PHEX: variants seen among roughly 807,000 people sequenced by gnomAD.
The protein encoded by PHEX is phosphate regulating endopeptidase X-linked.
In PHEX, 16 loss-of-function variants were observed where a neutral mutation model predicts 68.0. The observed-to-expected ratio is 0.24, with a 90% CI of 0.16 to 0.36. The LOEUF is 0.36. Ranked by LOEUF, PHEX falls within the 10% of genes least tolerant of loss-of-function variation. The pLI is 1.00. For synonymous variants in PHEX, 208 were observed against 205.1 expected (o/e 1.01, Z -0.12); for missense variants, 480 against 575.5 (o/e 0.83, Z 1.70).
intron 15 of PHEX, 34 bp from the exon 16 acceptor site, chrX:22,212,866 ATCTC>A: frequency 9.4e-7 from 1 of 1,059,932 alleles, no homozygotes; most frequent in Non-Finnish European, 1.3e-6. Context: ...CATTGAATCA[ATCTC>A]TCTATATCTC....
At chrX:22,145,164 A>G (rs1036265645) in intron 12 of PHEX, among the ~76,000 whole-genome samples, 2 of 111,846 alleles carry the variant, frequency 1.8e-5, no homozygotes, top group Non-Finnish European at 3.8e-5. Context: ...TGATCCTTTC[A>G]TTTGAACTTT....
At chrX:22,066,394 C>T (rs773591093) in intron 3 of PHEX, among the ~76,000 whole-genome samples, 3 of 112,227 alleles carry the variant, frequency 2.7e-5, no homozygotes, top group Non-Finnish European at 5.6e-5. Context: ...TCTATTTTCT[C>T]CTTAGGTCAA....
At chrX:22,231,756 G>A (rs1419819187) in intron 20 of PHEX, among the ~76,000 whole-genome samples, 1 of 111,176 alleles carries the variant, frequency 9.0e-6, no homozygotes, top group Non-Finnish European at 1.9e-5. Flanking sequence ...GGTTTTTTGT[G>A]TCTCTATCTC....
At chrX:22,161,765 C>A (rs965526183) in intron 12 of PHEX, among the ~76,000 whole-genome samples, 5 of 111,760 alleles carry the variant, frequency 4.5e-5, no homozygotes, top group Admixed American at 1.9e-4. Flanking sequence ...ATAAACTACT[C>A]TTTTAAATAA....
At chrX:22,125,476 TTC>T (rs2147077177) in intron 11 of PHEX, among the ~76,000 whole-genome samples, 1 of 112,102 alleles carries the variant, frequency 8.9e-6, no homozygotes, top group South Asian at 3.7e-4. Flanking sequence ...CTGATTTTTT[TTC>T]TTTTTCCTTT....
chrX:22,199,818 C>T (rs1032453128), intron 15 of PHEX, among the ~76,000 whole-genome samples: 4 of 112,089 alleles, frequency 3.6e-5, no homozygotes, highest in African/African-American at 1.3e-4. Context: ...CTAAGATCTA[C>T]AGTAAGAACG....
At chrX:22,232,690 T>G (rs2147193436) in intron 20 of PHEX, among the ~76,000 whole-genome samples, 1 of 104,387 alleles carries the variant, frequency 9.6e-6, no homozygotes, top group African/African-American at 3.5e-5. Context: ...ATGTGTGTCT[T>G]TCTTTGCATG....
chrX:22,110,816 G>A (rs2362538), intron 9 of PHEX, among the ~76,000 whole-genome samples: 3,630 of 112,266 alleles, frequency 0.032, 73 homozygotes, highest in Non-Finnish European at 0.054. Flanking sequence ...TCTAGTTCAG[G>A]GTTGCAGGTG....
intron 3 of PHEX, among the ~76,000 whole-genome samples, chrX:22,062,863 C>T (rs1928434544): frequency 9.0e-6 from 1 of 110,928 alleles, no homozygotes; most frequent in Non-Finnish European, 1.9e-5. Flanking sequence ...CAGGTTCAAG[C>T]GATTCTCGTC....
intron 12 of PHEX, among the ~76,000 whole-genome samples, chrX:22,150,714 T>A (rs1235980277): frequency 8.9e-6 from 1 of 112,353 alleles, no homozygotes; most frequent in Non-Finnish European, 1.9e-5. Flanking sequence ...GCTTCTTCCC[T>A]GTTTTGTTGG....
At chrX:22,100,793 T>C (rs921813286) in intron 9 of PHEX, among the ~76,000 whole-genome samples, 5 of 111,922 alleles carry the variant, frequency 4.5e-5, no homozygotes, top group Non-Finnish European at 9.4e-5. Context: ...TGGACAAATA[T>C]AAACGTAGAG....
At chrX:22,164,608 A>G (rs1304687929) in intron 12 of PHEX, among the ~76,000 whole-genome samples, 1 of 112,095 alleles carries the variant, frequency 8.9e-6, no homozygotes, top group East Asian at 2.8e-4. Context: ...GTCTTCAGAA[A>G]ACAATTGTGG....
intron 3 of PHEX, among the ~76,000 whole-genome samples, chrX:22,050,058 G>A (rs1255743121): frequency 2.7e-5 from 3 of 112,351 alleles, no homozygotes; most frequent in Non-Finnish European, 3.8e-5. Flanking sequence ...ATTAATGGCT[G>A]CTTTTGCACT....
chrX:22,128,890 A>G (rs1199024026), intron 11 of PHEX, among the ~76,000 whole-genome samples: 2 of 99,638 alleles, frequency 2.0e-5, no homozygotes, highest in Non-Finnish European at 4.0e-5. Context: ...GACTGGGGAT[A>G]GTACTAAACT....
At chrX:22,089,405 T>TG (rs1336581079) in intron 5 of PHEX, among the ~76,000 whole-genome samples, 31 of 94,545 alleles carry the variant, frequency 3.3e-4, no homozygotes, top group African/African-American at 1.0e-3. Context: ...AAGTTTTTTT[T>TG]GTTTTTTTTT....
chrX:22,236,397 T>C (rs897458383), intron 20 of PHEX, among the ~76,000 whole-genome samples: 5 of 112,930 alleles, frequency 4.4e-5, no homozygotes, highest in Non-Finnish European at 9.4e-5. Flanking sequence ...ACTTCCTATC[T>C]CCATAGCACC....
intron 11 of PHEX, among the ~76,000 whole-genome samples, chrX:22,121,113 A>G (rs1441764534): frequency 2.7e-5 from 3 of 112,175 alleles, no homozygotes; most frequent in Non-Finnish European, 5.6e-5. Flanking sequence ...TATAGAGTAA[A>G]CCCTGCTAAA....
intron 15 of PHEX, among the ~76,000 whole-genome samples, chrX:22,199,881 G>A (rs746126067): frequency 2.6e-4 from 29 of 112,057 alleles, no homozygotes; most frequent in Admixed American, 7.6e-4. Context: ...CATTGTGTGC[G>A]TGTGTGTATT....
intron 12 of PHEX, among the ~76,000 whole-genome samples, chrX:22,162,222 C>A (rs1295359393): frequency 8.9e-6 from 1 of 112,088 alleles, no homozygotes; most frequent in Non-Finnish European, 1.9e-5. Flanking sequence ...GACTCATATG[C>A]AGAGTCTGGC....
Sources: gnomAD v4.1 joint callset for allele counts (sites outside exome capture counted in the v4.1 genomes callset) on GRCh38, gnomAD v4.1.1 for gene constraint, MANE v1.5 for transcripts, NCBI Gene and HGNC (gene_info 2026-07-23, HGNC 2026-07-21) for gene names.